RALYL: variants seen among roughly 807,000 people sequenced by gnomAD.
RALYL encodes RNA-binding Raly-like protein.
Under a neutral mutation model 35.1 loss-of-function variants are expected in RALYL, and 29 were observed. That is an observed-to-expected ratio of 0.83 (90% CI 0.61 to 1.13). The LOEUF is 1.13. Among genes scored for constraint, RALYL ranks in the 50% most tolerant of loss-of-function variants. The pLI is 0.00. For missense variants in RALYL, 359 were observed against 360.4 expected, an observed-to-expected ratio of 1.00 and a Z score of 0.03; for synonymous variants, 120 against 127.6, an observed-to-expected ratio of 0.94 and a Z score of 0.40.
chr8:84,807,879 T>C (rs556343924), intron 4 of RALYL, among the ~76,000 whole-genome samples: 1 of 152,198 alleles, frequency 6.6e-6, no homozygotes, highest in Non-Finnish European at 1.5e-5. Context: ...TTTTTCTTAC[T>C]GATTTGATTG....
chr8:84,293,625 T>A (rs1369836885), intron 1 of RALYL, among the ~76,000 whole-genome samples: 1 of 152,170 alleles, frequency 6.6e-6, no homozygotes, highest in African/African-American at 2.4e-5. Flanking sequence ...TTTAGCATAG[T>A]CTTTCTAAAT....
Position 84,649,787 on chromosome 8 carries a change from C to A in RALYL, c.256+120210C>A, listed in dbSNP as rs183046836. Reference sequence around the variant, plus strand: ...GGGCTCTTTTTTGGTTGCATATGAACTTTAAAGTAGTTTTTTCCAATTCTG... The same window carrying A: ...GGGCTCTTTTTTGGTTGCATATGAAATTTAAAGTAGTTTTTTCCAATTCTG... On this transcript the variant is annotated intron_variant, in intron 2 of 8. Transcript: ENST00000521268. Among the ~76,000 whole-genome samples the A allele has an allele frequency of 4.0e-3, 603 of 152,108 alleles. 6 individuals carry two copies. Among genetic ancestry groups the A allele is most frequent in the African/African-American group, 0.013 (548 of 41,496 alleles).
intron 2 of RALYL, among the ~76,000 whole-genome samples, chr8:84,664,518 G>T (rs1037956237): frequency 6.6e-6 from 1 of 151,326 alleles, no homozygotes; most frequent in Non-Finnish European, 1.5e-5. Flanking sequence ...TTAGGTTTGT[G>T]GTTCTCCTTG....
At chr8:84,362,986 A>AACAC (rs57010933) in intron 1 of RALYL, among the ~76,000 whole-genome samples, 1 of 151,640 alleles carries the variant, frequency 6.6e-6, no homozygotes, top group Admixed American at 6.6e-5. Flanking sequence ...AAGGATCAGA[A>AACAC]ACACACACAC....
intron 1 of RALYL, among the ~76,000 whole-genome samples, chr8:84,459,678 CTTCTATTT>C (rs1471426908): frequency 9.2e-5 from 14 of 151,716 alleles, no homozygotes; most frequent in Non-Finnish European, 1.6e-4. Context: ...GTTTTGATGG[CTTCTATTT>C]TCTCTATAAA....
intron 2 of RALYL, among the ~76,000 whole-genome samples, chr8:84,726,970 T>G (rs1157521755): frequency 6.6e-6 from 1 of 151,926 alleles, no homozygotes; most frequent in Non-Finnish European, 1.5e-5. Context: ...GTTTAAAACT[T>G]GAAGGATGGG....
At chr8:84,564,584 C>T (rs1031872131) in intron 2 of RALYL, among the ~76,000 whole-genome samples, 1 of 151,602 alleles carries the variant, frequency 6.6e-6, no homozygotes. Context: ...GTTTCCCATT[C>T]GTAGTTTCTA....
chr8:84,208,157 A>T (rs746857691), intron 1 of RALYL, among the ~76,000 whole-genome samples: 1 of 152,146 alleles, frequency 6.6e-6, no homozygotes, highest in Non-Finnish European at 1.5e-5. Flanking sequence ...GTAACACAAG[A>T]TTGATCGGCT....
At chr8:84,811,650 A>G (rs1177861199) in intron 4 of RALYL, among the ~76,000 whole-genome samples, 1 of 152,092 alleles carries the variant, frequency 6.6e-6, no homozygotes, top group Non-Finnish European at 1.5e-5. Context: ...AGGAATACCG[A>G]TTATTCTTAG....
intron 1 of RALYL, among the ~76,000 whole-genome samples, chr8:84,508,661 AT>A (rs963312773): frequency 3.3e-5 from 5 of 151,950 alleles, no homozygotes; most frequent in African/African-American, 1.2e-4. Context: ...ACATATATAT[AT>A]TTTTTTAAAA....
At chr8:84,425,799 G>A (rs991683095) in intron 1 of RALYL, among the ~76,000 whole-genome samples, 11 of 151,666 alleles carry the variant, frequency 7.3e-5, no homozygotes, top group Admixed American at 2.0e-4. Context: ...GTGTGTGTGT[G>A]TGTGTGTGTG....
At chr8:84,279,311 CACTT>C (rs1238582320) in intron 1 of RALYL, among the ~76,000 whole-genome samples, 2 of 152,148 alleles carry the variant, frequency 1.3e-5, no homozygotes. Flanking sequence ...CGAACCATAT[CACTT>C]ACTATGTTTG....
At chr8:84,589,592 T>C (rs1812774308) in intron 2 of RALYL, among the ~76,000 whole-genome samples, 1 of 152,344 alleles carries the variant, frequency 6.6e-6, no homozygotes, top group East Asian at 1.9e-4. Flanking sequence ...TCAGGTTATG[T>C]ATCAGGAAAA....
At chr8:84,469,048 A>C (rs1484150520) in intron 1 of RALYL, among the ~76,000 whole-genome samples, 7 of 151,860 alleles carry the variant, frequency 4.6e-5, no homozygotes, top group Admixed American at 3.3e-4. Flanking sequence ...CATTCTTCTA[A>C]ATTTTTTTTC....
At chr8:84,633,457 G>A (rs571255672) in intron 2 of RALYL, among the ~76,000 whole-genome samples, 127 of 151,952 alleles carry the variant, frequency 8.4e-4, no homozygotes, top group South Asian at 1.5e-3. Flanking sequence ...GTATTTATTT[G>A]ATAGTGAATT....
At chr8:84,501,327 A>T (rs1321526421) in intron 1 of RALYL, among the ~76,000 whole-genome samples, 1 of 152,142 alleles carries the variant, frequency 6.6e-6, no homozygotes, top group Non-Finnish European at 1.5e-5. Context: ...AAATGTAATT[A>T]CATATCTAAT....
chr8:84,701,204 A>G (rs1319464581), intron 2 of RALYL, among the ~76,000 whole-genome samples: 6 of 152,186 alleles, frequency 3.9e-5, no homozygotes, highest in Non-Finnish European at 7.3e-5. Flanking sequence ...GAGTTGAGAT[A>G]TCACTTCCTA....
chr8:84,389,258 G>A (rs1563835398), intron 1 of RALYL, among the ~76,000 whole-genome samples: 1 of 152,146 alleles, frequency 6.6e-6, no homozygotes, highest in African/African-American at 2.4e-5. Flanking sequence ...TTGTAGTATA[G>A]TTTGAAGTCA....
intron 1 of RALYL, among the ~76,000 whole-genome samples, chr8:84,220,987 T>C (rs1185483909): frequency 6.6e-6 from 1 of 152,010 alleles, no homozygotes; most frequent in African/African-American, 2.4e-5. Flanking sequence ...CTGAACACTT[T>C]ATAGGAACAC....
Sources: allele counts gnomAD v4.1 joint callset (sites outside exome capture counted in the v4.1 genomes callset), GRCh38; gene constraint gnomAD v4.1.1; transcripts MANE v1.5; gene names NCBI Gene and HGNC (gene_info 2026-07-23, HGNC 2026-07-21).